MAPK4: variants seen among roughly 807,000 people sequenced by gnomAD.
MAPK4 encodes Erk3-related.
In MAPK4, 22 loss-of-function variants were observed where a neutral mutation model predicts 47.7. The observed-to-expected ratio is 0.46, with a 90% CI of 0.33 to 0.66. The LOEUF is 0.66. MAPK4 is among the 30% of genes least tolerant of loss of function. The pLI is 0.02. For missense variants in MAPK4, 736 were observed against 831.7 expected, an observed-to-expected ratio of 0.88 and a Z score of 1.42; for synonymous variants, 390 against 365.7, an observed-to-expected ratio of 1.07 and a Z score of -0.76.
intron 2 of MAPK4, among the ~76,000 whole-genome samples, chr18:50,676,941 A>G (rs2144300669): frequency 1.3e-5 from 2 of 152,324 alleles, no homozygotes; most frequent in Admixed American, 1.3e-4. Context: ...TGGGCTGAGG[A>G]CCAGGACTGT....
chr18:50,702,843 G>A (rs940320838), intron 2 of MAPK4, among the ~76,000 whole-genome samples: 1 of 152,080 alleles, frequency 6.6e-6, no homozygotes, highest in Non-Finnish European at 1.5e-5. Flanking sequence ...CCACAAACAG[G>A]GCCGGACCTA....
chr18:50,666,151 G>A (rs116316955), intron 2 of MAPK4, among the ~76,000 whole-genome samples: 111 of 152,358 alleles, frequency 7.3e-4, no homozygotes, highest in African/African-American at 2.6e-3. Context: ...AAGAGCTTAA[G>A]ACAGCACATA....
intron 1 of MAPK4, among the ~76,000 whole-genome samples, chr18:50,614,631 C>T (rs1437801443): frequency 6.6e-6 from 1 of 152,102 alleles, no homozygotes; most frequent in African/African-American, 2.4e-5. Flanking sequence ...CTACTACATA[C>T]CCACAAAAAT....
intron 2 of MAPK4, among the ~76,000 whole-genome samples, chr18:50,675,730 T>A (rs574153526): frequency 6.6e-6 from 1 of 152,286 alleles, no homozygotes; most frequent in African/African-American, 2.4e-5. Flanking sequence ...GACCTCGTGA[T>A]CTGCCCGCCT....
chr18:50,590,686 C>T (rs1183689050), intron 1 of MAPK4, among the ~76,000 whole-genome samples: 1 of 152,224 alleles, frequency 6.6e-6, no homozygotes, highest in Non-Finnish European at 1.5e-5. Flanking sequence ...ATTAGCAATT[C>T]TGTTGCCCTT....
intron 2 of MAPK4, among the ~76,000 whole-genome samples, chr18:50,684,626 G>A (rs370472547): frequency 2.4e-4 from 37 of 152,084 alleles, no homozygotes; most frequent in African/African-American, 8.2e-4. Flanking sequence ...GACACCTCCT[G>A]GCCTCCCCAT....
At chr18:50,695,362 AAAGAT>A (rs1909451587) in intron 2 of MAPK4, among the ~76,000 whole-genome samples, 1 of 146,860 alleles carries the variant, frequency 6.8e-6, no homozygotes, top group Non-Finnish European at 1.5e-5. Context: ...AAAAAAAAAA[AAAGAT>A]AGACTCAAGT....
At chr18:50,635,053 C>T (rs889432028) in intron 1 of MAPK4, among the ~76,000 whole-genome samples, 1 of 152,212 alleles carries the variant, frequency 6.6e-6, no homozygotes, top group Non-Finnish European at 1.5e-5. Context: ...AGAGTGCAGC[C>T]AAGGCTAAGC....
chr18:50,703,063 C>T lies in MAPK4; in HGVS notation c.547-12016C>T, dbSNP rs75496821. Reference sequence around the variant, plus strand: ...TAGTGTGATCCAAAAAGACCTTTCCCAAAGTCAGGGTCAGACAGGGTTACT... The same window carrying T: ...TAGTGTGATCCAAAAAGACCTTTCCTAAAGTCAGGGTCAGACAGGGTTACT... On this transcript the variant is annotated intron_variant, in intron 2 of 5. Transcript: ENST00000400384. 4.4e-3 allele frequency among the ~76,000 whole-genome samples: 663 copies of T among 152,274 alleles called. 4 individuals are homozygous for T. Among genetic ancestry groups the T allele is most frequent in the African/African-American group, 0.015 (629 of 41,556 alleles).
chr18:50,667,749 A>C (rs1204152010), intron 2 of MAPK4, among the ~76,000 whole-genome samples: 1 of 152,160 alleles, frequency 6.6e-6, no homozygotes, highest in African/African-American at 2.4e-5. Flanking sequence ...CTCTGCTCTC[A>C]CACCACAACA....
At chr18:50,603,069 G>A (rs138687247) in intron 1 of MAPK4, among the ~76,000 whole-genome samples, 3 of 152,280 alleles carry the variant, frequency 2.0e-5, no homozygotes, top group Non-Finnish European at 4.4e-5. Context: ...GTAGTGGAGA[G>A]GGGCTGCATC....
chr18:50,727,051 C>G (rs978899924), intron 5 of MAPK4, among the ~76,000 whole-genome samples: 5 of 152,190 alleles, frequency 3.3e-5, no homozygotes, highest in Non-Finnish European at 5.9e-5. Context: ...GCTACAGAAT[C>G]CTCAACAGGT....
In MAPK4 at chr18:50,664,627, C is replaced by A. The variant is rs1201004699; in HGVS notation, c.546+123C>A. The A allele has an allele frequency of 1.8e-6, 2 of 1,098,250 alleles. No homozygotes were observed. The highest frequency in any genetic ancestry group is 2.5e-5 in the East Asian group (1 of 40,258). 68.0% of individuals were successfully genotyped at this position (1,098,250 alleles called of 1,614,324 possible). On this transcript the variant is annotated intron_variant, in intron 2 of 5. Transcript: ENST00000400384. This position sits in a 1 kb window ranked among gnomAD's most constrained non-coding sequence, Gnocchi z 6.0. ...GACTAGAGTTAGTAATTAGGGGAGG[C>A]TGGAGGGTGCTAGGAAGATCACTAG...
chr18:50,724,615 G>T (rs1387792116), intron 4 of MAPK4, among the ~76,000 whole-genome samples: 1 of 152,248 alleles, frequency 6.6e-6, no homozygotes, highest in East Asian at 1.9e-4. Context: ...ACTGTTGGGG[G>T]TGATCAGAGT....
intron 1 of MAPK4, among the ~76,000 whole-genome samples, chr18:50,572,376 A>G (rs1449529924): frequency 6.6e-6 from 1 of 152,212 alleles, no homozygotes; most frequent in African/African-American, 2.4e-5. Flanking sequence ...GAGACTAAGG[A>G]CAAAAGAAAG....
At chr18:50,661,207 G>T (rs985435951) in intron 1 of MAPK4, among the ~76,000 whole-genome samples, 2 of 152,162 alleles carry the variant, frequency 1.3e-5, no homozygotes, top group Middle Eastern at 3.2e-3. Context: ...AGTCAGACCA[G>T]GCTTGTGGGG....
intron 1 of MAPK4, among the ~76,000 whole-genome samples, chr18:50,564,821 G>A (rs1265963308): frequency 6.6e-6 from 1 of 152,194 alleles, no homozygotes; most frequent in East Asian, 1.9e-4. Flanking sequence ...CTTGGGCAGT[G>A]CCTGGTAACC....
chr18:50,613,189 A>G (rs1185950390), intron 1 of MAPK4, among the ~76,000 whole-genome samples: 1 of 152,158 alleles, frequency 6.6e-6, no homozygotes, highest in Non-Finnish European at 1.5e-5. Context: ...GGCAAAAGTA[A>G]TGGGGTGTCA....
At chr18:50,658,128 T>C (rs373212781) in intron 1 of MAPK4, among the ~76,000 whole-genome samples, 4 of 152,202 alleles carry the variant, frequency 2.6e-5, no homozygotes, top group African/African-American at 9.7e-5. Flanking sequence ...ACTCCACTTT[T>C]AATATTATTT....
Sources: allele counts gnomAD v4.1 joint callset (sites outside exome capture counted in the v4.1 genomes callset), GRCh38; gene constraint gnomAD v4.1.1; non-coding constraint Gnocchi (gnomAD v3.1); transcripts MANE v1.5; gene names NCBI Gene and HGNC (gene_info 2026-07-23, HGNC 2026-07-21).